The following CCDC192 variants were observed in gnomAD, a reference collection of about 807,000 sequenced individuals.
CCDC192 encodes the protein coiled-coil domain containing 192, also known as coiled-coil domain-containing protein 192.
chr5:127,771,582 G>A (rs976002297), intron 3 of CCDC192, among the ~76,000 whole-genome samples: 2 of 152,190 alleles, frequency 1.3e-5, no homozygotes, highest in African/African-American at 2.4e-5. Context: ...GGATTGGGGG[G>A]TAGGGTACAG....
intron 6 of CCDC192, 111 bp from the exon 7 acceptor site, chr5:127,941,071 T>C: frequency 2.5e-6 from 1 of 397,618 alleles, no homozygotes; most frequent in East Asian, 3.6e-5. Flanking sequence ...ATGCAACATC[T>C]GTGCTCTCTT....
At chr5:127,750,406 C>T (rs2126862897) in intron 2 of CCDC192, among the ~76,000 whole-genome samples, 1 of 152,192 alleles carries the variant, frequency 6.6e-6, no homozygotes, top group African/African-American at 2.4e-5. Flanking sequence ...TGTTCAGTTT[C>T]CATGTAGTTG....
intron 3 of CCDC192, among the ~76,000 whole-genome samples, chr5:127,775,439 T>C (rs1755801364): frequency 6.6e-6 from 1 of 152,192 alleles, no homozygotes; most frequent in Non-Finnish European, 1.5e-5. Context: ...CTCTTGCCCA[T>C]GTTTTCCCCT....
intron 6 of CCDC192, among the ~76,000 whole-genome samples, chr5:127,878,408 C>T (rs1197892350): frequency 2.6e-5 from 4 of 152,210 alleles, no homozygotes; most frequent in African/African-American, 9.7e-5. Flanking sequence ...CTCCAGCTGG[C>T]AGCTCCTACG....
At chr5:127,847,763 C>T (rs538795893) in intron 5 of CCDC192, among the ~76,000 whole-genome samples, 19 of 151,480 alleles carry the variant, frequency 1.3e-4, no homozygotes, top group Non-Finnish European at 2.6e-4. Flanking sequence ...GTGGAGGTTG[C>T]GGTGAGCCAA....
At chr5:127,785,801 T>G in intron 3 of CCDC192, 1 of 312,070 alleles carries the variant, frequency 3.2e-6, no homozygotes, top group South Asian at 3.9e-5. Context: ...CTCATGGGAG[T>G]TACTGGATAA....
At chr5:127,785,311 AC>A in intron 3 of CCDC192, 1 of 463,820 alleles carries the variant, frequency 2.2e-6, no homozygotes. Flanking sequence ...AAGGGCCAGG[AC>A]CCAGAGCTCA....
chr5:127,859,443 G>C (rs772117743), intron 5 of CCDC192, among the ~76,000 whole-genome samples: 4 of 152,146 alleles, frequency 2.6e-5, no homozygotes, highest in Admixed American at 6.5e-5. Flanking sequence ...CTGTGCAACA[G>C]AATCACCTAG....
intron 3 of CCDC192, among the ~76,000 whole-genome samples, chr5:127,755,162 G>A (rs1021575044): frequency 1.3e-5 from 2 of 152,044 alleles, no homozygotes; most frequent in Non-Finnish European, 2.9e-5. Flanking sequence ...AGGAGGCCCT[G>A]CAATGTTAGA....
At chr5:127,806,579 C>T (rs531888889) in intron 5 of CCDC192, among the ~76,000 whole-genome samples, 99 of 152,148 alleles carry the variant, frequency 6.5e-4, no homozygotes, top group African/African-American at 2.4e-3. Flanking sequence ...CTCACATCAA[C>T]ATTCTATCAA....
At chr5:127,936,172 C>A (rs1754181590) in intron 6 of CCDC192, among the ~76,000 whole-genome samples, 1 of 152,122 alleles carries the variant, frequency 6.6e-6, no homozygotes, top group Non-Finnish European at 1.5e-5. Flanking sequence ...ATACTGGTAG[C>A]AGATGAGGCT....
chr5:127,780,833 T>A (rs2126932288), intron 3 of CCDC192, among the ~76,000 whole-genome samples: 1 of 152,362 alleles, frequency 6.6e-6, no homozygotes, highest in Admixed American at 6.5e-5. Context: ...TTTAATTAAG[T>A]CCCAGCTATT....
chr5:127,757,184 G>C (rs1754649233), intron 3 of CCDC192, among the ~76,000 whole-genome samples: 1 of 152,114 alleles, frequency 6.6e-6, no homozygotes, highest in African/African-American at 2.4e-5. Flanking sequence ...AATGAAAATA[G>C]GTGTTTATAT....
intron 5 of CCDC192, among the ~76,000 whole-genome samples, chr5:127,819,759 A>G (rs1749197689): frequency 6.6e-6 from 1 of 152,174 alleles, no homozygotes; most frequent in Non-Finnish European, 1.5e-5. Context: ...CGATCCCTAT[A>G]AAACAATTTA....
intron 3 of CCDC192, among the ~76,000 whole-genome samples, chr5:127,765,534 T>TA (rs761489068): frequency 3.3e-5 from 5 of 152,182 alleles, no homozygotes; most frequent in Admixed American, 6.5e-5. Flanking sequence ...AAGTCCCCAG[T>TA]AATTTTTAGA....
chr5:127,812,364 A>T (rs1758126548), intron 5 of CCDC192, among the ~76,000 whole-genome samples: 4 of 152,120 alleles, frequency 2.6e-5, no homozygotes, highest in Admixed American at 2.6e-4. Flanking sequence ...CCTCAACAGG[A>T]TTATTGTGAG....
intron 6 of CCDC192, among the ~76,000 whole-genome samples, chr5:127,883,999 T>C (rs1052276834): frequency 6.6e-6 from 1 of 152,076 alleles, no homozygotes; most frequent in Non-Finnish European, 1.5e-5. Flanking sequence ...AAGGGTCCCT[T>C]GGCTGTCCAG....
intron 3 of CCDC192, among the ~76,000 whole-genome samples, chr5:127,777,069 C>A (rs977279611): frequency 6.6e-6 from 1 of 152,176 alleles, no homozygotes. Context: ...GGCCACTGTC[C>A]TCCAGATCCC....
At chr5:127,882,642 A>C (rs1212580710) in intron 6 of CCDC192, among the ~76,000 whole-genome samples, 2 of 152,252 alleles carry the variant, frequency 1.3e-5, no homozygotes, top group Non-Finnish European at 2.9e-5. Context: ...AAATAAAAAA[A>C]CAGTGATTAA....
Sources: allele counts gnomAD v4.1 joint callset (sites outside exome capture counted in the v4.1 genomes callset), GRCh38; gene constraint gnomAD v4.1.1; transcripts MANE v1.5; gene names NCBI Gene and HGNC (gene_info 2026-07-23, HGNC 2026-07-21).